The following PLCB4 variants were observed in gnomAD, a reference collection of about 807,000 sequenced individuals.
PLCB4 encodes the protein 1-phosphatidylinositol 4,5-bisphosphate phosphodiesterase beta-4.
A neutral mutation model predicts 178.8 loss-of-function variants in PLCB4; 77 were observed. The ratio of observed to expected loss-of-function variants is 0.43; its 90% CI spans 0.36 to 0.52. The LOEUF (loss-of-function observed/expected upper bound fraction) is 0.52, where lower values mean the gene tolerates loss of function less well. Among genes scored for constraint, PLCB4 ranks in the 20% least tolerant of loss-of-function variants. The pLI is 0.00. For synonymous variants in PLCB4, 496 were observed against 490.8 expected (o/e 1.01, Z -0.14); for missense variants, 1,024 against 1,453.4 (o/e 0.70, Z 4.80).
chr20:9,411,243 C>T (rs1195872693), intron 25 of PLCB4, among the ~76,000 whole-genome samples, 155 bp downstream of exon 25: 2 of 152,218 alleles, frequency 1.3e-5, no homozygotes, highest in African/African-American at 2.4e-5. Context: ...AATATTTGCA[C>T]ATATACATTC....
At chr20:9,127,182 T>C (rs1199595548) in intron 2 of PLCB4, among the ~76,000 whole-genome samples, 1 of 152,000 alleles carries the variant, frequency 6.6e-6, no homozygotes, top group East Asian at 1.9e-4. Flanking sequence ...AACTCTAAGG[T>C]GTGCACAAAT....
chr20:9,278,988 T>A (rs2094472687), intron 3 of PLCB4, among the ~76,000 whole-genome samples: 1 of 152,100 alleles, frequency 6.6e-6, no homozygotes, highest in East Asian at 1.9e-4. Flanking sequence ...TTTGTTTGTT[T>A]AAATACAAGC....
intron 39 of PLCB4, among the ~76,000 whole-genome samples, chr20:9,477,794 A>C (rs781023051): frequency 1.3e-5 from 2 of 152,200 alleles, no homozygotes; most frequent in Non-Finnish European, 2.9e-5. Flanking sequence ...GAAGAAGGAA[A>C]TCACAGTATA....
At position 9,352,118 on chromosome 20, in the gene PLCB4, A is replaced by G. The variant is rs145886542; in HGVS notation, c.370-10778A>G. Among the ~76,000 whole-genome samples the G allele has an allele frequency of 3.3e-3, 509 of 152,318 alleles. 2 individuals are homozygous for G. Among genetic ancestry groups the G allele is most frequent in the African/African-American group, 0.011 (477 of 41,576 alleles). ...CATTCTTCTAGAGCTTTCCATTTGGATGCCAAATAATGTTACATAAAATAA... is the reference window on the plus strand; with the variant it reads ...CATTCTTCTAGAGCTTTCCATTTGGGTGCCAAATAATGTTACATAAAATAA... On this transcript the variant is annotated intron_variant, in intron 7 of 39. Transcript: ENST00000378473.
intron 3 of PLCB4, among the ~76,000 whole-genome samples, chr20:9,260,628 A>G (rs2094287563): frequency 6.6e-6 from 1 of 152,120 alleles, no homozygotes; most frequent in African/African-American, 2.4e-5. Context: ...TACTTGATAT[A>G]TATGTGTGTA....
Position 9,389,863 on chromosome 20 carries a change from T to C in PLCB4, c.1159-16T>C. ...TTGCTCTTTTCTCTCATTAACGTTT[T>C]TTTTTGTTTTTAAAGGATGTAATTC... On this transcript the variant is annotated splice_polypyrimidine_tract_variant and intron_variant, in intron 15 of 39. Coordinates refer to ENST00000378473, the MANE Select transcript of PLCB4 (RefSeq NM_001377142.1). 2 of 1,461,040 alleles carry C rather than the reference T, an allele frequency of 1.4e-6. No individual in the cohort carries two copies. The highest frequency in any genetic ancestry group is 1.9e-6 in the Non-Finnish European group (2 of 1,053,648). 90.5% of individuals were successfully genotyped at this position (1,461,040 alleles called of 1,614,324 possible). A position where few individuals can be genotyped will look rare whatever the true frequency, so the allele number is the denominator to read the frequency against.
chr20:9,164,138 A>C (rs1243723810), intron 2 of PLCB4, among the ~76,000 whole-genome samples: 1 of 152,188 alleles, frequency 6.6e-6, no homozygotes, highest in Non-Finnish European at 1.5e-5. Flanking sequence ...AAAACATCCC[A>C]GACTGTAGCC....
intron 27 of PLCB4, among the ~76,000 whole-genome samples, chr20:9,422,640 T>C (rs564315126): frequency 6.6e-6 from 1 of 152,354 alleles, no homozygotes; most frequent in South Asian, 2.1e-4. Context: ...GTTCTGGCAC[T>C]AGAAACGAGA....
intron 1 of PLCB4, among the ~76,000 whole-genome samples, chr20:9,094,607 C>T (rs2090827294): frequency 6.6e-6 from 1 of 152,166 alleles, no homozygotes; most frequent in African/African-American, 2.4e-5. Flanking sequence ...CATCATTACA[C>T]TGTAACAAAC....
At chr20:9,162,852 T>C (rs2092910890) in intron 2 of PLCB4, among the ~76,000 whole-genome samples, 1 of 152,204 alleles carries the variant, frequency 6.6e-6, no homozygotes, top group Non-Finnish European at 1.5e-5. Flanking sequence ...ATAGTCTTAC[T>C]TTACATATTG....
chr20:9,147,893 T>C (rs2092626831), intron 2 of PLCB4, among the ~76,000 whole-genome samples: 1 of 152,070 alleles, frequency 6.6e-6, no homozygotes, highest in Non-Finnish European at 1.5e-5. Context: ...CAGACTATCC[T>C]AGATCCCAAC....
At chr20:9,250,976 C>T (rs2094174716) in intron 3 of PLCB4, among the ~76,000 whole-genome samples, 1 of 152,186 alleles carries the variant, frequency 6.6e-6, no homozygotes. Context: ...GCATGTCCAA[C>T]AGAGAAATGT....
In PLCB4 at chr20:9,307,851, G is replaced by C. The variant is rs1660080397; in HGVS notation, c.37G>C (p.Val13Leu). 2 of 1,601,814 alleles carry C rather than the reference G, an allele frequency of 1.2e-6. No individual in the cohort carries two copies. The highest frequency in any genetic ancestry group is 1.7e-6 in the Non-Finnish European group (2 of 1,170,208). The change falls in exon 4 of 40, where the codon GTT becomes CTT. Residue 13 changes from valine to leucine, a missense_variant. Physicochemically the swap from Val to Leu is conservative, Grantham distance 32 (BLOSUM62 1). This residue lies in a region of PLCB4 where 225 missense variants were observed against 291.0 expected (regional missense o/e 0.77). Transcript: ENST00000378473. ...KPYEFNWQKE[V>L]PSFLQEGAVF... ...TTATGAATTTAACTGGCAGAAGGAA[G>C]TTCCCTCCTTTTTGCAAGAAGGAGC...
At chr20:9,218,995 T>G (rs987914305) in intron 3 of PLCB4, among the ~76,000 whole-genome samples, 3 of 152,192 alleles carry the variant, frequency 2.0e-5, no homozygotes, top group Non-Finnish European at 4.4e-5. Flanking sequence ...AAATAGGTCA[T>G]TTTTCATCAG....
At chr20:9,097,207 T>G (rs1398656182) in intron 2 of PLCB4, among the ~76,000 whole-genome samples, 1 of 151,688 alleles carries the variant, frequency 6.6e-6, no homozygotes, top group Non-Finnish European at 1.5e-5. Flanking sequence ...AGTGCTGGGA[T>G]TATGGGTGTG....
At chr20:9,197,500 A>G (rs953190031) in intron 2 of PLCB4, among the ~76,000 whole-genome samples, 10 of 152,250 alleles carry the variant, frequency 6.6e-5, no homozygotes, top group Non-Finnish European at 1.5e-4. Context: ...TAGCGGATTA[A>G]TGAAAGATAT....
chr20:9,405,430 G>A (rs1180421096), intron 21 of PLCB4, 82 bp downstream of exon 21: 2 of 800,706 alleles, frequency 2.5e-6, no homozygotes, highest in South Asian at 1.8e-5. Flanking sequence ...CAGTTGTGGT[G>A]AAAAAATGAT....
chr20:9,404,477 C>T (rs11907553), intron 20 of PLCB4, among the ~76,000 whole-genome samples: 12,047 of 151,974 alleles, frequency 0.079, 1,490 homozygotes, highest in African/African-American at 0.27. Context: ...CCATGGTACG[C>T]GCCTGTAATC....
intron 2 of PLCB4, among the ~76,000 whole-genome samples, chr20:9,150,447 T>G (rs1226215843): frequency 1.3e-5 from 2 of 152,216 alleles, no homozygotes; most frequent in Non-Finnish European, 2.9e-5. Context: ...TTCCTATGAC[T>G]TTTAATGTGG....
Sources: allele counts gnomAD v4.1 joint callset (sites outside exome capture counted in the v4.1 genomes callset), GRCh38; gene constraint gnomAD v4.1.1; regional missense constraint gnomAD v4.1.1; transcripts MANE v1.5; gene names NCBI Gene and HGNC (gene_info 2026-07-23, HGNC 2026-07-21).